The following MTA3 variants were observed in gnomAD, a reference collection of about 807,000 sequenced individuals.
The protein encoded by MTA3 is metastasis associated 1 family member 3, also known as metastasis-associated protein MTA3.
MTA3 carries 34 observed loss-of-function variants against 83.5 expected under a neutral mutation model. The ratio of observed to expected loss-of-function variants is 0.41; its 90% CI spans 0.31 to 0.54. The LOEUF is 0.54. Among genes scored for constraint, MTA3 ranks in the 20% least tolerant of loss-of-function variants. The probability of loss-of-function intolerance (pLI) is 0.33; values close to 1 mark genes in which losing one functional copy is unlikely to be tolerated. For missense variants in MTA3, 761 were observed against 726.4 expected, an observed-to-expected ratio of 1.05 and a Z score of -0.55; for synonymous variants, 303 against 252.7, an observed-to-expected ratio of 1.20 and a Z score of -1.89.
intron 4 of MTA3, among the ~76,000 whole-genome samples, chr2:42,616,875 G>A (rs1296954073): frequency 1.3e-5 from 2 of 152,060 alleles, no homozygotes; most frequent in Non-Finnish European, 2.9e-5. Context: ...GTGAGCCATC[G>A]TGCCTAGCTG....
chr2:42,597,367 C>T (rs984102928), intron 3 of MTA3, among the ~76,000 whole-genome samples: 1 of 138,646 alleles, frequency 7.2e-6, no homozygotes, highest in South Asian at 2.4e-4. Flanking sequence ...ACCTGGCCGA[C>T]AAGTTATCTT....
At chr2:42,503,210 T>C (rs1328007073) in intron 2 of MTA3, among the ~76,000 whole-genome samples, 1 of 152,076 alleles carries the variant, frequency 6.6e-6, no homozygotes, top group African/African-American at 2.4e-5. Flanking sequence ...GAACAAGGGG[T>C]GAATTATTCA....
At chr2:42,696,204 T>C (rs1049376351) in intron 10 of MTA3, among the ~76,000 whole-genome samples, 1 of 152,208 alleles carries the variant, frequency 6.6e-6, no homozygotes, top group Non-Finnish European at 1.5e-5. Flanking sequence ...ACCAATGTCA[T>C]CAGCCATATA....
intron 3 of MTA3, among the ~76,000 whole-genome samples, chr2:42,594,753 G>A (rs1191011418): frequency 3.9e-5 from 1 of 25,336 alleles, no homozygotes; most frequent in East Asian, 5.8e-4. Context: ...TTGAGACAGA[G>A]TCTCACTCTG....
At chr2:42,664,621 A>G (rs1209808346) in intron 8 of MTA3, among the ~76,000 whole-genome samples, 2 of 151,864 alleles carry the variant, frequency 1.3e-5, no homozygotes, top group Admixed American at 6.6e-5. Flanking sequence ...AGCTGAGATT[A>G]CAGGCGTCCG....
At chr2:42,598,193 C>T (rs1292921390) in intron 3 of MTA3, among the ~76,000 whole-genome samples, 3 of 152,048 alleles carry the variant, frequency 2.0e-5, no homozygotes, top group African/African-American at 4.8e-5. Context: ...CTGCCTCAGC[C>T]TCCTGAGTAG....
intron 4 of MTA3, among the ~76,000 whole-genome samples, chr2:42,627,290 G>A (rs540385131): frequency 4.5e-4 from 69 of 151,988 alleles, no homozygotes; most frequent in Non-Finnish European, 6.5e-4. Context: ...GTTGTCCAGG[G>A]TGGTCTCTAA....
intron 2 of MTA3, among the ~76,000 whole-genome samples, chr2:42,520,706 C>T (rs1675385990): frequency 5.3e-5 from 8 of 152,046 alleles, no homozygotes; most frequent in Admixed American, 5.2e-4. Context: ...GCTAGGACTA[C>T]AGGTGTGCAC....
upstream of MTA3, among the ~76,000 whole-genome samples, chr2:42,565,542 T>C (rs144751014): frequency 1.3e-5 from 2 of 152,260 alleles, no homozygotes; most frequent in East Asian, 3.9e-4. Flanking sequence ...GGTTCTTTAA[T>C]TGCAACAACT....
intron 2 of MTA3, among the ~76,000 whole-genome samples, chr2:42,540,278 A>G (rs1018166439): frequency 2.1e-5 from 3 of 145,256 alleles, no homozygotes; most frequent in African/African-American, 5.1e-5. Flanking sequence ...AGCTCAAGTG[A>G]CTCTCCTGCC....
intron 4 of MTA3, 109 bp from the exon 5 acceptor site, chr2:42,640,064 T>C (rs1478952762): frequency 1.4e-6 from 1 of 722,706 alleles, no homozygotes; most frequent in East Asian, 2.8e-5. Context: ...TATTCCTAAC[T>C]GCCATGTAGT....
chr2:42,588,574 AG>A (rs1196361537), intron 3 of MTA3, among the ~76,000 whole-genome samples: 1 of 152,210 alleles, frequency 6.6e-6, no homozygotes, highest in Non-Finnish European at 1.5e-5. Context: ...GAAGAGATTT[AG>A]GTTTTTTAAC....
At chr2:42,655,710 C>G (rs999254466) in intron 6 of MTA3, among the ~76,000 whole-genome samples, 8 of 152,218 alleles carry the variant, frequency 5.3e-5, no homozygotes, top group African/African-American at 1.9e-4. Flanking sequence ...TCAAGCGATT[C>G]TCGTGCCTCA....
intron 4 of MTA3, among the ~76,000 whole-genome samples, chr2:42,628,369 T>A (rs1686334668): frequency 1.3e-5 from 2 of 152,174 alleles, no homozygotes; most frequent in East Asian, 1.9e-4. Context: ...TAGCTGGGAT[T>A]ACAGGCGCCC....
At chr2:42,669,814 C>T (rs1468550856) in intron 8 of MTA3, among the ~76,000 whole-genome samples, 1 of 152,030 alleles carries the variant, frequency 6.6e-6, no homozygotes, top group Non-Finnish European at 1.5e-5. Context: ...ACTTTTTCTC[C>T]TACAAATTTC....
chr2:42,701,001 G>C (rs1693812229), intron 11 of MTA3, among the ~76,000 whole-genome samples: 1 of 152,160 alleles, frequency 6.6e-6, no homozygotes, highest in Non-Finnish European at 1.5e-5. Context: ...GGGAGGCTGA[G>C]GTAGGAGGAT....
chr2:42,658,840 C>G (rs746063372), intron 7 of MTA3, among the ~76,000 whole-genome samples: 1 of 151,086 alleles, frequency 6.6e-6, no homozygotes, highest in African/African-American at 2.4e-5. Context: ...TTTGGGAGGC[C>G]GAGGCGGGAG....
intron 2 of MTA3, among the ~76,000 whole-genome samples, chr2:42,577,377 C>T (rs906897664): frequency 6.6e-6 from 1 of 151,864 alleles, no homozygotes; most frequent in African/African-American, 2.4e-5. Context: ...GCTCCCCGCC[C>T]CCTAAGCAGG....
chr2:42,556,564 G>C (rs945148556), intron 2 of MTA3, among the ~76,000 whole-genome samples: 1 of 152,158 alleles, frequency 6.6e-6, no homozygotes, highest in Admixed American at 6.6e-5. Flanking sequence ...GCCACTGGCC[G>C]GGAGTCACTC....
Sources: gnomAD v4.1 joint callset for allele counts (sites outside exome capture counted in the v4.1 genomes callset) on GRCh38, gnomAD v4.1.1 for gene constraint, MANE v1.5 for transcripts, NCBI Gene and HGNC (gene_info 2026-07-23, HGNC 2026-07-21) for gene names.